Variants in GPATCH8 observed in about 807,000 individuals in gnomAD.
The protein encoded by GPATCH8 is G-patch domain containing 8, also known as G patch domain-containing protein 8.
GPATCH8 carries 18 observed loss-of-function variants against 118.3 expected under a neutral mutation model. That is an observed-to-expected ratio of 0.15 (90% CI 0.11 to 0.23). GPATCH8 has a LOEUF of 0.23. Among genes scored for constraint, GPATCH8 ranks in the 10% least tolerant of loss-of-function variants. The probability of loss-of-function intolerance (pLI) is 1.00; values close to 1 mark genes in which losing one functional copy is unlikely to be tolerated. For missense variants in GPATCH8, 1,631 were observed against 1,873.8 expected (o/e 0.87, Z 2.39); for synonymous variants, 659 against 684.7 (o/e 0.96, Z 0.59).
chr17:44,488,470 G>A (rs957878631), intron 1 of GPATCH8, among the ~76,000 whole-genome samples: 1 of 151,828 alleles, frequency 6.6e-6, no homozygotes, highest in Non-Finnish European at 1.5e-5. Flanking sequence ...CTGGGTTCAA[G>A]CAATTCTCCT....
chr17:44,443,147 A>G (rs1290882057), intron 3 of GPATCH8, among the ~76,000 whole-genome samples: 1 of 152,248 alleles, frequency 6.6e-6, no homozygotes, highest in African/African-American at 2.4e-5. Flanking sequence ...ACATCTTTAA[A>G]GTACTTATTT....
chr17:44,439,545 G>A (rs996085336), intron 3 of GPATCH8, among the ~76,000 whole-genome samples: 9 of 152,050 alleles, frequency 5.9e-5, no homozygotes, highest in Admixed American at 1.3e-4. Context: ...TATTAAAGAG[G>A]CTATAGACCA....
chr17:44,453,498 G>GTGCGTGTGT (rs1298562128), intron 3 of GPATCH8, among the ~76,000 whole-genome samples: 2 of 130,092 alleles, frequency 1.5e-5, no homozygotes, highest in Admixed American at 7.8e-5. Context: ...TAGGTAGGTA[G>GTGCGTGTGT]GGGTGTGTGT....
chr17:44,427,826 C>T (rs979004681), intron 5 of GPATCH8, among the ~76,000 whole-genome samples: 2 of 152,048 alleles, frequency 1.3e-5, no homozygotes, highest in African/African-American at 4.8e-5. Context: ...CTTTTTATTG[C>T]TTATAGTACG....
At chr17:44,439,964 G>A (rs1419302145) in intron 3 of GPATCH8, among the ~76,000 whole-genome samples, 3 of 151,842 alleles carry the variant, frequency 2.0e-5, no homozygotes, top group South Asian at 2.1e-4. Flanking sequence ...TGTATTTCTC[G>A]TAAAGACGGG....
intron 3 of GPATCH8, among the ~76,000 whole-genome samples, chr17:44,450,648 T>C (rs2051079794): frequency 6.6e-6 from 1 of 152,222 alleles, no homozygotes; most frequent in Non-Finnish European, 1.5e-5. Context: ...GCCATTGTTT[T>C]GAATTTTGGT....
At chr17:44,457,306 A>G (rs1339837171) in intron 3 of GPATCH8, among the ~76,000 whole-genome samples, 1 of 152,230 alleles carries the variant, frequency 6.6e-6, no homozygotes, top group Non-Finnish European at 1.5e-5. Flanking sequence ...TACCATTTTA[A>G]TATTTCACAA....
chr17:44,418,615 C>A (rs1296634102), intron 6 of GPATCH8, among the ~76,000 whole-genome samples: 2 of 152,062 alleles, frequency 1.3e-5, no homozygotes, highest in African/African-American at 4.8e-5. Flanking sequence ...CTGCCACGCC[C>A]GGCTTTTTTG....
In GPATCH8 at chr17:44,399,108, C is replaced by G. The variant is rs760377117; in HGVS notation, c.2969G>C (p.Arg990Pro). 6.2e-7 allele frequency: 1 copy of G among 1,613,318 alleles called. No individual in the cohort carries two copies. Among genetic ancestry groups the G allele is most frequent in the Non-Finnish European group, 8.5e-7 (1 of 1,179,594 alleles). The stretch of plus-strand genomic sequence containing the variant: ...GCTCCTGGTGCTGCGGCTGCGGTCC[C>G]GGCTATAGCTCCGGCTCCGTTGCCA... ...HSWQRSRSYS[R>P]DRSRSTRSPS... Residue 990 changes from arginine (R) to proline (P), a missense_variant, in exon 8 of 8, where the codon CGG becomes CCG. Arg to Pro is a moderately radical substitution (Grantham distance 103). Coordinates refer to ENST00000591680, the MANE Select transcript of GPATCH8 (RefSeq NM_001002909.4).
rs1276306133 is a variant in GPATCH8, at chr17:44,400,712, T to C, written c.1365A>G (p.Glu455=). The C allele has an allele frequency of 6.2e-7, 1 of 1,612,148 alleles. No homozygotes were observed. Among genetic ancestry groups the C allele is most frequent in the East Asian group, 2.2e-5 (1 of 44,856 alleles). ...GCTCAGAGACTTCACTAACTGTCTT[T>C]TCTGCTCCTTGGCTTGCTGCCGCCT... The part of the protein sequence containing the change: ...CIKAAASQGA[E]KTVSEVSEQP... Residue 455 remains glutamate, a synonymous_variant, in exon 8 of 8, where the codon GAA becomes GAG. Coordinates refer to ENST00000591680, the MANE Select transcript of GPATCH8 (RefSeq NM_001002909.4).
chr17:44,498,739 C>T (rs922707603), intron 1 of GPATCH8, among the ~76,000 whole-genome samples: 2 of 152,168 alleles, frequency 1.3e-5, no homozygotes, highest in African/African-American at 4.8e-5. Context: ...ATTTTCACAG[C>T]TTGTGGCATT....
intron 6 of GPATCH8, among the ~76,000 whole-genome samples, chr17:44,423,978 A>G (rs920056866): frequency 3.9e-5 from 6 of 152,236 alleles, no homozygotes; most frequent in Non-Finnish European, 1.5e-5. Context: ...GAACTTGAAA[A>G]TAACAGTCTG....
chr17:44,424,865 A>T (rs1598455289), intron 5 of GPATCH8, among the ~76,000 whole-genome samples: 1 of 152,236 alleles, frequency 6.6e-6, no homozygotes, highest in African/African-American at 2.4e-5. Context: ...AAAAAGCATT[A>T]CCTGAGTCTG....
chr17:44,449,225 C>T lies in GPATCH8; in HGVS notation c.194-12680G>A, dbSNP rs984953018. Among the ~76,000 whole-genome samples, 6 of 151,978 alleles carry T rather than the reference C, an allele frequency of 3.9e-5. 1 individual carries two copies. Among genetic ancestry groups the T allele is most frequent in the East Asian group, 3.9e-4 (2 of 5,172 alleles). On this transcript the variant is annotated intron_variant, in intron 3 of 7. Coordinates refer to ENST00000591680, the MANE Select transcript of GPATCH8 (RefSeq NM_001002909.4). ...CCGGGAGGCAGAGGTTGCAGTGAGC[C>T]GAGATCGCACCACTGCACTCCAGCC...
chr17:44,405,746 C>T (rs912912329), intron 7 of GPATCH8, among the ~76,000 whole-genome samples, 175 bp downstream of exon 7: 25 of 148,452 alleles, frequency 1.7e-4, no homozygotes, highest in African/African-American at 4.7e-4. Context: ...CCTCGTGATC[C>T]GCCCGCCTCG....
At position 44,480,159 on chromosome 17, in the gene GPATCH8, A is replaced by T. The variant is rs898545329; in HGVS notation, c.46-5256T>A. Among the ~76,000 whole-genome samples the T allele has an allele frequency of 4.6e-5, 7 of 152,364 alleles. No individual in the cohort carries two copies. In the South Asian group the frequency reaches 1.4e-3, roughly 32 times the overall value. ...AATTTTTAAAGTGGGCATAAGATTT[A>T]AACATTTCATCAATGACATACAGGT... On this transcript the variant is annotated intron_variant, in intron 1 of 7. Coordinates refer to ENST00000591680, the MANE Select transcript of GPATCH8 (RefSeq NM_001002909.4).
chr17:44,471,347 T>C (rs896868758), intron 2 of GPATCH8, among the ~76,000 whole-genome samples: 4 of 152,232 alleles, frequency 2.6e-5, no homozygotes, highest in African/African-American at 4.8e-5. Flanking sequence ...TCATGTCTCA[T>C]TTCCCATCTT....
intron 5 of GPATCH8, among the ~76,000 whole-genome samples, chr17:44,428,308 C>T (rs778319833): frequency 3.3e-5 from 5 of 151,660 alleles, no homozygotes; most frequent in Non-Finnish European, 5.9e-5. Context: ...GCCTGACCAA[C>T]GTGATGAAAC....
chr17:44,446,565 TAAA>T (rs1296210572), intron 3 of GPATCH8, among the ~76,000 whole-genome samples: 1 of 151,942 alleles, frequency 6.6e-6, no homozygotes, highest in African/African-American at 2.4e-5. Context: ...GACTCTGTCT[TAAA>T]AATAAAGGAG....
Sources: gnomAD v4.1 joint callset for allele counts (sites outside exome capture counted in the v4.1 genomes callset) on GRCh38, gnomAD v4.1.1 for gene constraint, MANE v1.5 for transcripts, NCBI Gene and HGNC (gene_info 2026-07-23, HGNC 2026-07-21) for gene names.